ADCY9: variants seen among roughly 807,000 people sequenced by gnomAD.
ADCY9 encodes adenylate cyclase 9, also known as adenylate cyclase type 9.
Under a neutral mutation model 101.5 loss-of-function variants are expected in ADCY9, and 50 were observed. The ratio of observed to expected loss-of-function variants is 0.49; its 90% CI spans 0.39 to 0.62. The LOEUF is 0.62. Ranked by LOEUF, ADCY9 falls within the 20% of genes least tolerant of loss-of-function variation. The pLI is 0.00. For synonymous variants in ADCY9, 905 were observed against 769.3 expected (o/e 1.18, Z -2.92); for missense variants, 1,662 against 1,800.4 (o/e 0.92, Z 1.39).
chr16:4,103,490 A>T (rs2057056987), intron 2 of ADCY9, among the ~76,000 whole-genome samples: 1 of 152,194 alleles, frequency 6.6e-6, no homozygotes, highest in South Asian at 2.1e-4. Flanking sequence ...CTTGTCCTTC[A>T]CTACCCCACA....
chr16:4,095,078 C>T (rs1325188561), intron 2 of ADCY9, among the ~76,000 whole-genome samples: 1 of 149,340 alleles, frequency 6.7e-6, no homozygotes, highest in Non-Finnish European at 1.5e-5. Flanking sequence ...TCTCAGCTCA[C>T]TGCAACCTCT....
intron 2 of ADCY9, among the ~76,000 whole-genome samples, chr16:4,092,794 C>T (rs747675190): frequency 5.3e-5 from 8 of 152,170 alleles, no homozygotes; most frequent in Non-Finnish European, 1.0e-4. Flanking sequence ...TTCCATCAAA[C>T]GATATCTGCA....
intron 2 of ADCY9, among the ~76,000 whole-genome samples, chr16:4,099,297 G>A (rs1359890317): frequency 6.6e-6 from 1 of 152,112 alleles, no homozygotes; most frequent in Non-Finnish European, 1.5e-5. Context: ...ACAGGCATTA[G>A]TGGGAAGATA....
At position 3,989,100 on chromosome 16, in the gene ADCY9, G is replaced by A. The variant is rs770984246; in HGVS notation, c.2208-4C>T. 1.2e-6 allele frequency: 2 copies of A among 1,606,102 alleles called. No individual in the cohort carries two copies. The highest frequency in any genetic ancestry group is 1.7e-6 in the Non-Finnish European group (2 of 1,172,798). ...AAAAAAGTAATCTTTCATCAGGCTA[G>A]AAGACACAACAAATGCAGTCGATCA... On this transcript the variant is annotated splice_polypyrimidine_tract_variant and splice_region_variant and intron_variant, in intron 5 of 10. Coordinates refer to ENST00000294016, the MANE Select transcript of ADCY9 (RefSeq NM_001116.4).
At chr16:3,991,622 A>T (rs1223900261) in intron 5 of ADCY9, among the ~76,000 whole-genome samples, 5 of 152,012 alleles carry the variant, frequency 3.3e-5, no homozygotes, top group Non-Finnish European at 7.4e-5. Flanking sequence ...TTAGCTGGGC[A>T]TGGTTGTGTA....
At chr16:4,066,615 G>T (rs1205419542) in intron 2 of ADCY9, among the ~76,000 whole-genome samples, 1 of 151,882 alleles carries the variant, frequency 6.6e-6, no homozygotes, top group Non-Finnish European at 1.5e-5. Context: ...AAATGCCTGG[G>T]CTCAGGTGAT....
chr16:4,078,962 G>A (rs1231254555), intron 2 of ADCY9, among the ~76,000 whole-genome samples: 1 of 152,122 alleles, frequency 6.6e-6, no homozygotes, highest in Non-Finnish European at 1.5e-5. Context: ...CGGCAAATAA[G>A]GATATTCATC....
At chr16:3,967,928 T>C (rs2540032) in intron 10 of ADCY9, among the ~76,000 whole-genome samples, 151,178 of 152,174 alleles carry the variant, frequency 0.99, 75,101 homozygotes, top group East Asian at 1. Context: ...AAACTCCTGA[T>C]CTCAAAGTGA....
chr16:3,958,676 T>TTTTTTTC (rs2055921326), downstream of ADCY9, among the ~76,000 whole-genome samples: 1 of 129,744 alleles, frequency 7.7e-6, no homozygotes, highest in African/African-American at 3.0e-5. Flanking sequence ...TCGGTTACTT[T>TTTTTTTC]TTTTTTTTTT....
Position 4,082,648 on chromosome 16 carries a change from G to A in ADCY9, c.1693+31102C>T, listed in dbSNP as rs1041263191. 2.7e-5 allele frequency among the ~76,000 whole-genome samples: 4 copies of A among 149,672 alleles called. No individual in the cohort carries two copies. The East Asian group carries it at 5.9e-4, about 22-fold the overall frequency. ...CATGCAGGCACACCCACGCATGCAC[G>A]CACACATATATGCACACCCATGCAC... On this transcript the variant is annotated intron_variant, in intron 2 of 10. Coordinates refer to ENST00000294016, the MANE Select transcript of ADCY9 (RefSeq NM_001116.4).
At chr16:4,004,288 G>C (rs2056352333) in intron 3 of ADCY9, among the ~76,000 whole-genome samples, 1 of 149,774 alleles carries the variant, frequency 6.7e-6, no homozygotes, top group African/African-American at 2.5e-5. Flanking sequence ...CCAACACTTG[G>C]GTGTAGAAAG....
intron 2 of ADCY9, among the ~76,000 whole-genome samples, chr16:4,109,078 G>C (rs1233094455): frequency 6.6e-6 from 1 of 151,990 alleles, no homozygotes; most frequent in Non-Finnish European, 1.5e-5. Flanking sequence ...CCAGTGACTG[G>C]CCACCCTAGA....
intron 2 of ADCY9, among the ~76,000 whole-genome samples, chr16:4,027,818 G>A (rs1328694733): frequency 1.3e-5 from 2 of 151,540 alleles, no homozygotes; most frequent in African/African-American, 4.9e-5. Flanking sequence ...CAGAGGTTGT[G>A]GTGAGCCAAG....
At chr16:4,076,592 G>C (rs2056868714) in intron 2 of ADCY9, among the ~76,000 whole-genome samples, 1 of 152,156 alleles carries the variant, frequency 6.6e-6, no homozygotes, top group Non-Finnish European at 1.5e-5. Flanking sequence ...GATTTGAAAA[G>C]AAAATACCAG....
intron 2 of ADCY9, among the ~76,000 whole-genome samples, chr16:4,105,407 C>T (rs969278187): frequency 2.7e-5 from 4 of 150,458 alleles, no homozygotes; most frequent in African/African-American, 9.8e-5. Flanking sequence ...CATGGTGGCT[C>T]ACACCTATAA....
intron 3 of ADCY9, among the ~76,000 whole-genome samples, chr16:4,003,409 G>A (rs769814427): frequency 7.2e-5 from 11 of 152,100 alleles, no homozygotes. Context: ...CGTGCGTGCC[G>A]AGTGTGAGCG....
chr16:4,022,615 C>T (rs2255499), intron 2 of ADCY9, among the ~76,000 whole-genome samples: 143,930 of 151,756 alleles, frequency 0.95, 68,671 homozygotes, highest in East Asian at 1. Context: ...TATGTGTATA[C>T]CTGCAGCAAT....
At position 4,013,965 on chromosome 16, in the gene ADCY9, T is replaced by C. The variant is rs114790399; in HGVS notation, c.1694-6407A>G. ...TTGTTCTTGTTGTCCCAATATTTGA[T>C]GATAAATCTCAAGTTCCTACTACAA... is the stretch of plus-strand genomic sequence containing the variant. On this transcript the variant is annotated intron_variant, in intron 2 of 10. Transcript: ENST00000294016. 4.6e-3 allele frequency among the ~76,000 whole-genome samples: 697 copies of C among 152,344 alleles called. 7 individuals are homozygous for C. The highest frequency in any genetic ancestry group is 0.016 in the African/African-American group (645 of 41,594).
At position 3,965,627 on chromosome 16, in the gene ADCY9, G is replaced by A; in HGVS notation, c.*148C>T. On this transcript the variant is annotated 3_prime_UTR_variant, in exon 11 of 11. Transcript: ENST00000294016. ...GGATGAAAATGAACCCTGAATAACT[G>A]TGATCCACACAGAAGTTAGGGCTGA... 1.4e-6 allele frequency: 1 copy of A among 702,560 alleles called. No homozygotes were observed. The highest frequency in any genetic ancestry group is 2.3e-6 in the Non-Finnish European group (1 of 427,254). The allele number at this position is 702,560 out of a possible 1,614,324, so 43.5% of individuals were successfully genotyped here.
Sources: gnomAD v4.1 joint callset for allele counts (sites outside exome capture counted in the v4.1 genomes callset) on GRCh38, gnomAD v4.1.1 for gene constraint, MANE v1.5 for transcripts, NCBI Gene and HGNC (gene_info 2026-07-23, HGNC 2026-07-21) for gene names.